Variants in MAGI2 observed in about 807,000 individuals in gnomAD.
MAGI2 encodes the protein membrane-associated guanylate kinase, WW and PDZ domain-containing protein 2.
MAGI2 carries 35 observed loss-of-function variants against 133.3 expected under a neutral mutation model. The observed-to-expected ratio is 0.26, with a 90% CI of 0.20 to 0.35. The LOEUF (loss-of-function observed/expected upper bound fraction) is 0.35, where lower values mean the gene tolerates loss of function less well. Among genes scored for constraint, MAGI2 ranks in the 10% least tolerant of loss-of-function variants. The probability of loss-of-function intolerance (pLI) is 1.00; values close to 1 mark genes in which losing one functional copy is unlikely to be tolerated. For synonymous variants in MAGI2, 729 were observed against 710.6 expected (o/e 1.03, Z -0.41); for missense variants, 1,636 against 1,863.4 (o/e 0.88, Z 2.25).
intron 21 of MAGI2, among the ~76,000 whole-genome samples, chr7:78,077,746 T>TTTTTTTTTTG (rs1473877873): frequency 6.7e-6 from 1 of 148,978 alleles, no homozygotes. Flanking sequence ...TTTTTTTTTT[T>TTTTTTTTTTG]GAGACAGAGT....
intron 6 of MAGI2, among the ~76,000 whole-genome samples, chr7:78,401,917 G>A (rs1256208702): frequency 1.4e-5 from 2 of 143,884 alleles, no homozygotes; most frequent in Non-Finnish European, 3.0e-5. Flanking sequence ...CCAGATAACA[G>A]GTTAGAAAAT....
chr7:78,209,908 G>A lies in MAGI2; in HGVS notation c.2048-8715C>T, dbSNP rs529213946. On this transcript the variant is annotated intron_variant, in intron 10 of 21. Transcript: ENST00000354212. ...TAAGCCAGGTGTTTTTAACCACAGG[G>A]CCTTTGCACCAACTCCTTTATTTGT... Among the ~76,000 whole-genome samples, 163 of 152,188 alleles carry A rather than the reference G, an allele frequency of 1.1e-3. 1 individual carries two copies. Among genetic ancestry groups the A allele is most frequent in the Middle Eastern group, 0.01 (3 of 294 alleles).
intron 5 of MAGI2, among the ~76,000 whole-genome samples, chr7:78,494,109 T>C (rs1563080474): frequency 6.6e-6 from 1 of 152,082 alleles, no homozygotes; most frequent in East Asian, 1.9e-4. Flanking sequence ...CCCAAGTAGC[T>C]GGGACTAGAC....
chr7:78,916,502 C>T lies in MAGI2; in HGVS notation c.418+90588G>A, dbSNP rs1798807510. Among the ~76,000 whole-genome samples the T allele has an allele frequency of 1.3e-5, 2 of 151,958 alleles. 1 individual carries two copies. Among genetic ancestry groups the T allele is most frequent in the South Asian group, 4.1e-4 (2 of 4,820 alleles). ...AAAATATATCATTTATAAGATAATG[C>T]AATAATTGTCACAATAAAGAATACA... On this transcript the variant is annotated intron_variant, in intron 2 of 21. Transcript: ENST00000354212.
At chr7:78,305,118 C>G (rs956269952) in intron 9 of MAGI2, among the ~76,000 whole-genome samples, 5 of 152,186 alleles carry the variant, frequency 3.3e-5, no homozygotes, top group African/African-American at 1.2e-4. Flanking sequence ...CTAGTGGGGA[C>G]TCAATGAATT....
chr7:78,134,353 G>A (rs188416859), intron 17 of MAGI2: 21 of 152,276 alleles, frequency 1.4e-4, no homozygotes, highest in East Asian at 1.9e-4. Flanking sequence ...CTTCAATATC[G>A]TTGATGAGTC....
chr7:78,733,757 T>A lies in MAGI2; in HGVS notation c.419-106518A>T, dbSNP rs150646871. Among the ~76,000 whole-genome samples, 41 of 152,304 alleles carry A rather than the reference T, an allele frequency of 2.7e-4. No individual in the cohort carries two copies. In the East Asian group the frequency reaches 6.7e-3, roughly 25 times the overall value. On this transcript the variant is annotated intron_variant, in intron 2 of 21. Transcript: ENST00000354212. Reference sequence around the variant, plus strand: ...TAATGTCAAGCCATCAGTAAGACATTCATGCCTTTAAGGAATAAACTCAGT... The same window carrying A: ...TAATGTCAAGCCATCAGTAAGACATACATGCCTTTAAGGAATAAACTCAGT...
intron 1 of MAGI2, among the ~76,000 whole-genome samples, chr7:79,201,533 GTT>G (rs1238458054): frequency 6.6e-6 from 1 of 151,526 alleles, no homozygotes; most frequent in East Asian, 1.9e-4. Context: ...CTTTTTGTTT[GTT>G]TTTTTAATGG....
chr7:78,973,762 G>T (rs560769569), intron 2 of MAGI2, among the ~76,000 whole-genome samples: 1 of 151,768 alleles, frequency 6.6e-6, no homozygotes, highest in Non-Finnish European at 1.5e-5. Flanking sequence ...GTATCTTTCT[G>T]GTTGCCCTGC....
chr7:79,162,717 A>G (rs190393671), intron 1 of MAGI2, among the ~76,000 whole-genome samples: 192 of 152,230 alleles, frequency 1.3e-3, no homozygotes, highest in African/African-American at 4.5e-3. Context: ...TGAGTTGTGA[A>G]GAGAAATATA....
At chr7:79,055,918 T>C (rs1159637317) in intron 1 of MAGI2, among the ~76,000 whole-genome samples, 2 of 152,140 alleles carry the variant, frequency 1.3e-5, no homozygotes, top group African/African-American at 4.8e-5. Flanking sequence ...CTCCAGTTAA[T>C]CAGCAACACT....
chr7:78,855,743 G>A (rs1704505704), intron 2 of MAGI2, among the ~76,000 whole-genome samples: 1 of 152,196 alleles, frequency 6.6e-6, no homozygotes, highest in South Asian at 2.1e-4. Context: ...ATAGCAGCAG[G>A]ATTTATAATC....
intron 1 of MAGI2, among the ~76,000 whole-genome samples, chr7:79,011,876 C>T (rs1245114820): frequency 1.0e-5 from 1 of 99,450 alleles, no homozygotes; most frequent in South Asian, 3.4e-4. Context: ...ATCCTTCCTT[C>T]CTTCCTTTCT....
At chr7:78,852,781 GGCTCTGCTTAAGAAATTTAAGTGATTTA>G (rs1793254645) in intron 2 of MAGI2, among the ~76,000 whole-genome samples, 1 of 152,074 alleles carries the variant, frequency 6.6e-6, no homozygotes, top group African/African-American at 2.4e-5. Flanking sequence ...AGAGCTCAAT[GGCTCTGCTTAAGAAATTTAAGTGATTTA>G]GCAGTGGAGG....
intron 10 of MAGI2, among the ~76,000 whole-genome samples, chr7:78,227,730 CCTT>C (rs1410298959): frequency 2.0e-5 from 3 of 152,070 alleles, no homozygotes; most frequent in Non-Finnish European, 2.9e-5. Context: ...TAATTTCCCC[CCTT>C]CTTGTTGTGC....
At chr7:78,827,948 G>C (rs1367199778) in intron 2 of MAGI2, among the ~76,000 whole-genome samples, 1 of 152,146 alleles carries the variant, frequency 6.6e-6, no homozygotes, top group Non-Finnish European at 1.5e-5. Context: ...GAAGTGGCAT[G>C]ATCTTAGCTC....
At chr7:78,378,547 G>A (rs1196173507) in intron 6 of MAGI2, among the ~76,000 whole-genome samples, 5 of 151,880 alleles carry the variant, frequency 3.3e-5, no homozygotes, top group African/African-American at 9.7e-5. Flanking sequence ...CAGGAAGAAC[G>A]AACACATCTA....
intron 4 of MAGI2, chr7:78,509,471 A>C (rs1305008974): frequency 6.6e-6 from 1 of 152,244 alleles, no homozygotes; most frequent in Non-Finnish European, 1.5e-5. Flanking sequence ...AAGGGCTCAA[A>C]GATCTGTACA....
chr7:79,029,102 G>C (rs1452984160), intron 1 of MAGI2, among the ~76,000 whole-genome samples: 4 of 151,980 alleles, frequency 2.6e-5, no homozygotes, highest in African/African-American at 9.7e-5. Flanking sequence ...TTTTTATTCT[G>C]TACTACTTAA....
Sources: gnomAD v4.1 joint callset for allele counts (sites outside exome capture counted in the v4.1 genomes callset) on GRCh38, gnomAD v4.1.1 for gene constraint, MANE v1.5 for transcripts, NCBI Gene and HGNC (gene_info 2026-07-23, HGNC 2026-07-21) for gene names.